Variants in TRIP13 observed in about 807,000 individuals in gnomAD.
The protein encoded by TRIP13 is thyroid hormone receptor interactor 13.
In TRIP13, 25 loss-of-function variants were observed where a neutral mutation model predicts 54.4. The observed-to-expected ratio is 0.46, with a 90% CI of 0.33 to 0.64. The LOEUF (loss-of-function observed/expected upper bound fraction) is 0.64, where lower values mean the gene tolerates loss of function less well. Ranked by LOEUF, TRIP13 falls within the 30% of genes least tolerant of loss-of-function variation. The pLI, the probability that TRIP13 is intolerant of heterozygous loss-of-function variation, is 0.02. For synonymous variants in TRIP13, 207 were observed against 207.8 expected (o/e 1.00, Z 0.03); for missense variants, 373 against 534.2 (o/e 0.70, Z 2.97).
chr5:914,767 G>A (rs1754310130), intron 11 of TRIP13, among the ~76,000 whole-genome samples, 190 bp downstream of exon 11: 1 of 152,072 alleles, frequency 6.6e-6, no homozygotes, highest in Non-Finnish European at 1.5e-5. Flanking sequence ...ACGCAGCACA[G>A]CCACCTCCTT....
At position 908,305 on chromosome 5, in the gene TRIP13, G is replaced by T. The variant is rs772669363; in HGVS notation, c.760-50G>T. 6.3e-7 allele frequency: 1 copy of T among 1,592,046 alleles called. No individual in the cohort carries two copies. The highest frequency in any genetic ancestry group is 8.6e-7 in the Non-Finnish European group (1 of 1,167,846). ...GCGGGACGTATCCCCATAGCTGCCTGTGAAGTGCCAGGCCCTGTCCTTTTT... is the reference window on the plus strand; with the variant it reads ...GCGGGACGTATCCCCATAGCTGCCTTTGAAGTGCCAGGCCCTGTCCTTTTT... On this transcript the variant is annotated intron_variant, in intron 8 of 12. Coordinates refer to ENST00000166345, the MANE Select transcript of TRIP13 (RefSeq NM_004237.4). This position sits in a 1 kb window ranked among gnomAD's most constrained non-coding sequence, Gnocchi z 5.2.
chr5:896,441 G>A (rs1248697228), intron 2 of TRIP13, among the ~76,000 whole-genome samples: 1 of 152,140 alleles, frequency 6.6e-6, no homozygotes, highest in Admixed American at 6.5e-5. Flanking sequence ...TTTTCATTCT[G>A]TAAGTAAATG....
chr5:906,832 C>T (rs892058353), intron 6 of TRIP13, among the ~76,000 whole-genome samples: 2 of 152,212 alleles, frequency 1.3e-5, no homozygotes, highest in South Asian at 2.1e-4. Flanking sequence ...TGTTTTCTGT[C>T]TTATGTTAGT....
rs141289416 is a variant in TRIP13 at position 911,115 on chromosome 5, C to T, written c.867-728C>T. On this transcript the variant is annotated intron_variant, in intron 9 of 12. Transcript: ENST00000166345. This position sits in a 1 kb window ranked among gnomAD's most constrained non-coding sequence, Gnocchi z 4.7. Reference sequence around the variant, plus strand: ...TGGTCAACAGACCAGACAACAGGGGCTCTCTCTATGGAGTTTAGACGCTAG... The same window carrying T: ...TGGTCAACAGACCAGACAACAGGGGTTCTCTCTATGGAGTTTAGACGCTAG... Among the ~76,000 whole-genome samples the T allele has an allele frequency of 1.4e-3, 216 of 152,354 alleles. No homozygotes were observed. Among genetic ancestry groups the T allele is most frequent in the African/African-American group, 4.8e-3 (200 of 41,578 alleles).
At chr5:916,313 G>A (rs1579205743) in intron 12 of TRIP13, among the ~76,000 whole-genome samples, 1 of 152,214 alleles carries the variant, frequency 6.6e-6, no homozygotes. Flanking sequence ...ACATAGAACA[G>A]TGACCTGGAT....
chr5:902,717 G>C (rs1754019155), intron 5 of TRIP13, among the ~76,000 whole-genome samples: 1 of 152,184 alleles, frequency 6.6e-6, no homozygotes, highest in South Asian at 2.1e-4. Flanking sequence ...CCAAGACGCG[G>C]AGACCGGTAG....
At chr5:905,715 A>G (rs1754101193) in intron 6 of TRIP13, among the ~76,000 whole-genome samples, 1 of 152,232 alleles carries the variant, frequency 6.6e-6, no homozygotes, top group Admixed American at 6.5e-5. Context: ...TTCTCATTTA[A>G]GATTAGATGG....
At chr5:905,498 A>C (rs1754096727) in intron 6 of TRIP13, among the ~76,000 whole-genome samples, 1 of 152,152 alleles carries the variant, frequency 6.6e-6, no homozygotes, top group Non-Finnish European at 1.5e-5. Context: ...CCTGAACTCC[A>C]ATCTCTGTCT....
chr5:894,045 G>A (rs552522939), intron 1 of TRIP13, among the ~76,000 whole-genome samples: 1 of 152,306 alleles, frequency 6.6e-6, no homozygotes, highest in African/African-American at 2.4e-5. Context: ...CTGCACCAGA[G>A]TTCATAGACA....
rs1560947965 is a variant in TRIP13, at chr5:907,522, C to T, written c.672+329C>T. The stretch of plus-strand genomic sequence containing the variant: ...CTGTCTGTGAGTTGAGGGGGTCAGA[C>T]AAGGTGATGTCACATGTGATTCTTA... On this transcript the variant is annotated intron_variant, in intron 7 of 12. Coordinates refer to ENST00000166345, the MANE Select transcript of TRIP13 (RefSeq NM_004237.4). The surrounding 1 kb of genome is among the most constrained non-coding windows in gnomAD (Gnocchi z 4.1). 6.6e-6 allele frequency among the ~76,000 whole-genome samples: 1 copy of T among 152,218 alleles called. No individual in the cohort carries two copies. The highest frequency in any genetic ancestry group is 1.5e-5 in the Non-Finnish European group (1 of 68,042).
chr5:911,887 A>G lies in TRIP13; in HGVS notation c.911A>G (p.Lys304Arg), dbSNP rs748859419. ...VILTTSNITE[K>R]IDVAFVDRAD... is the part of the protein sequence containing the mutation. Reference sequence around the variant, plus strand: ...CTGACCACTTCTAACATCACCGAGAAGATCGACGTGGCCTTCGTGGACAGG... The same window carrying G: ...CTGACCACTTCTAACATCACCGAGAGGATCGACGTGGCCTTCGTGGACAGG... Residue 304 changes from lysine to arginine, a missense_variant, in exon 10 of 13, where the codon AAG (lysine) becomes AGG (arginine). By Grantham distance (26) the Lys-to-Arg change is conservative. This residue lies in a region of TRIP13 where 119 missense variants were observed against 223.0 expected (regional missense o/e 0.53). Coordinates refer to ENST00000166345, the MANE Select transcript of TRIP13 (RefSeq NM_004237.4). This position sits in a 1 kb window ranked among gnomAD's most constrained non-coding sequence, Gnocchi z 4.7. 2.5e-6 allele frequency: 4 copies of G among 1,613,788 alleles called. No homozygotes were observed. Among genetic ancestry groups the G allele is most frequent in the East Asian group, 2.2e-5 (1 of 44,874 alleles).
chr5:895,553 A>G (rs1753895899), intron 2 of TRIP13, among the ~76,000 whole-genome samples: 1 of 152,216 alleles, frequency 6.6e-6, no homozygotes, highest in African/African-American at 2.4e-5. Context: ...CAGGCTTGGT[A>G]CTAAGTTCTG....
Position 892,992 on chromosome 5 carries a change from G to A in TRIP13, c.-7G>A. 1 of 1,502,874 alleles carries A rather than the reference G, an allele frequency of 6.7e-7. No individual in the cohort carries two copies. 93.1% of individuals were successfully genotyped at this position (1,502,874 alleles called of 1,614,324 possible). Reference sequence around the variant, plus strand: ...CTGGTTGGGTCCCCACTGCTCTCGGGGGCGCCATGGACGAGGCCGTGGGCG... The same window carrying A: ...CTGGTTGGGTCCCCACTGCTCTCGGAGGCGCCATGGACGAGGCCGTGGGCG... On this transcript the variant is annotated 5_prime_UTR_variant, in exon 1 of 13. Transcript: ENST00000166345.
intron 3 of TRIP13, 73 bp downstream of exon 3, chr5:896,867 C>G (rs936496669): frequency 4.1e-6 from 6 of 1,481,440 alleles, no homozygotes; most frequent in Non-Finnish European, 5.4e-6. Context: ...TGTCAGTTCA[C>G]AGGGGGGGTT....
At position 908,163 on chromosome 5, in the gene TRIP13, C is replaced by T; in HGVS notation, c.759+89C>T. 1.3e-6 allele frequency: 2 copies of T among 1,499,984 alleles called. No homozygotes were observed. The highest frequency in any genetic ancestry group is 1.9e-6 in the Non-Finnish European group (2 of 1,079,106). The allele number at this position is 1,499,984 out of a possible 1,614,324, so 92.9% of individuals were successfully genotyped here. ...CTACTCCTGATGCTCCTAGCTTTCC[C>T]CTCCTACAGCCGGGCTGCCCTCTAT... On this transcript the variant is annotated intron_variant, in intron 8 of 12. Transcript: ENST00000166345. The surrounding 1 kb of genome is among the most constrained non-coding windows in gnomAD (Gnocchi z 5.2).
intron 3 of TRIP13, among the ~76,000 whole-genome samples, chr5:897,191 C>T (rs1753935808): frequency 6.7e-6 from 1 of 149,300 alleles, no homozygotes. Context: ...TGGGCTCTAG[C>T]AGGCCAAGCC....
At chr5:900,260 C>T (rs151165513) in intron 3 of TRIP13, among the ~76,000 whole-genome samples, 191 of 152,268 alleles carry the variant, frequency 1.3e-3, no homozygotes, top group Non-Finnish European at 2.2e-3. Context: ...TGACTCCATC[C>T]AGTTGTCTGC....
chr5:918,899 T>G (rs1162379327), downstream of TRIP13: 1 of 152,142 alleles, frequency 6.6e-6, no homozygotes, highest in Admixed American at 6.5e-5. The surrounding 1 kb of genome is among the most constrained non-coding windows in gnomAD (Gnocchi z 4.3). Flanking sequence ...TGGGTCTGCC[T>G]TTACCAGCCC....
intron 2 of TRIP13, 37 bp from the exon 3 acceptor site, chr5:896,628 G>A (rs747845261): frequency 6.3e-6 from 10 of 1,586,576 alleles, no homozygotes; most frequent in South Asian, 2.3e-5. Flanking sequence ...GTGAGAGTTG[G>A]AAATGTGTGT....
Sources: gnomAD v4.1 joint callset for allele counts (sites outside exome capture counted in the v4.1 genomes callset) on GRCh38, gnomAD v4.1.1 for gene constraint, gnomAD v4.1.1 regional missense constraint, Gnocchi (gnomAD v3.1) non-coding constraint, MANE v1.5 for transcripts, NCBI Gene and HGNC (gene_info 2026-07-23, HGNC 2026-07-21) for gene names.